The following PTPRD variants were observed in gnomAD, a reference collection of about 807,000 sequenced individuals.
PTPRD encodes the protein protein tyrosine phosphatase receptor type D.
A neutral mutation model predicts 214.5 loss-of-function variants in PTPRD; 34 were observed. That is an observed-to-expected ratio of 0.16 (90% CI 0.12 to 0.21). PTPRD has a LOEUF of 0.21. Among genes scored for constraint, PTPRD ranks in the 10% least tolerant of loss-of-function variants. The probability of loss-of-function intolerance (pLI) is 1.00; values close to 1 mark genes in which losing one functional copy is unlikely to be tolerated. For missense variants in PTPRD, 2,545 were observed against 2,398.7 expected (o/e 1.06, Z -1.27); for synonymous variants, 1,128 against 845.7 (o/e 1.33, Z -5.79).
chr9:8,814,555 C>G (rs1412514291), intron 11 of PTPRD, among the ~76,000 whole-genome samples: 1 of 152,082 alleles, frequency 6.6e-6, no homozygotes, highest in Non-Finnish European at 1.5e-5. Context: ...GGCGGAAACC[C>G]TAGGTGACAC....
intron 12 of PTPRD, among the ~76,000 whole-genome samples, chr9:8,699,024 T>G (rs982703817): frequency 1.3e-5 from 2 of 152,198 alleles, no homozygotes; most frequent in Non-Finnish European, 2.9e-5. Context: ...TGAATTCTTT[T>G]CTTCTTTAAG....
At chr9:8,400,359 G>T (rs1412256233) in intron 36 of PTPRD, among the ~76,000 whole-genome samples, 1 of 152,092 alleles carries the variant, frequency 6.6e-6, no homozygotes, top group Non-Finnish European at 1.5e-5. Flanking sequence ...ATTATCATTA[G>T]GTTTACATGT....
intron 4 of PTPRD, among the ~76,000 whole-genome samples, chr9:10,015,996 C>A (rs769524856): frequency 6.6e-6 from 1 of 152,086 alleles, no homozygotes; most frequent in Admixed American, 6.6e-5. Context: ...ATACTTGAAT[C>A]GACTTCTCCT....
intron 2 of PTPRD, among the ~76,000 whole-genome samples, chr9:10,479,645 A>AT (rs2099084408): frequency 8.0e-6 from 1 of 125,288 alleles, no homozygotes; most frequent in Non-Finnish European, 1.8e-5. Context: ...AAATAAATAA[A>AT]TAAATAAATA....
chr9:10,259,115 C>T (rs975067181), intron 3 of PTPRD, among the ~76,000 whole-genome samples: 3 of 152,028 alleles, frequency 2.0e-5, no homozygotes, highest in Admixed American at 6.6e-5. Flanking sequence ...CTCCACCTCC[C>T]GGGTTCACAC....
chr9:8,462,832 G>C (rs1215516689), intron 32 of PTPRD, among the ~76,000 whole-genome samples: 2 of 151,738 alleles, frequency 1.3e-5, no homozygotes, highest in African/African-American at 2.4e-5. Flanking sequence ...ACTGTATTTT[G>C]GCTTTTTATT....
intron 8 of PTPRD, among the ~76,000 whole-genome samples, chr9:9,446,884 C>A (rs544616282): frequency 1.3e-5 from 2 of 152,090 alleles, no homozygotes; most frequent in African/African-American, 4.8e-5. Context: ...CAAAAGAAGA[C>A]ATACATGTGG....
At chr9:8,573,866 T>A (rs1355331712) in intron 14 of PTPRD, among the ~76,000 whole-genome samples, 1 of 151,966 alleles carries the variant, frequency 6.6e-6, no homozygotes, top group Non-Finnish European at 1.5e-5. Flanking sequence ...TTTGTTTATA[T>A]TTCAATTAGA....
chr9:10,256,850 C>T (rs893165784), intron 3 of PTPRD, among the ~76,000 whole-genome samples: 1 of 152,146 alleles, frequency 6.6e-6, no homozygotes, highest in African/African-American at 2.4e-5. Context: ...TAGCCCTATC[C>T]CACCCACTTC....
intron 8 of PTPRD, among the ~76,000 whole-genome samples, chr9:9,530,160 A>G (rs2154263250): frequency 6.6e-6 from 1 of 152,310 alleles, no homozygotes; most frequent in Middle Eastern, 3.4e-3. Flanking sequence ...AGATCATAGC[A>G]GAGCTAAATG....
chr9:8,978,305 G>T (rs1320554770), intron 11 of PTPRD, among the ~76,000 whole-genome samples: 6 of 152,094 alleles, frequency 3.9e-5, no homozygotes, highest in Non-Finnish European at 7.4e-5. Context: ...CTGGCATTAT[G>T]GTTGTTACTG....
intron 11 of PTPRD, among the ~76,000 whole-genome samples, chr9:8,895,245 C>CT (rs1305402521): frequency 1.3e-5 from 2 of 152,160 alleles, no homozygotes; most frequent in African/African-American, 4.8e-5. Flanking sequence ...CCCAAAGCCT[C>CT]TATGAGACTA....
intron 10 of PTPRD, among the ~76,000 whole-genome samples, chr9:9,110,283 C>G (rs2099804225): frequency 6.6e-6 from 1 of 152,022 alleles, no homozygotes; most frequent in Non-Finnish European, 1.5e-5. Context: ...CAGTTTTTCT[C>G]AAAGAATAGT....
chr9:10,540,036 T>G (rs556111980), intron 2 of PTPRD, among the ~76,000 whole-genome samples: 1 of 152,282 alleles, frequency 6.6e-6, no homozygotes, highest in South Asian at 2.1e-4. Flanking sequence ...GTTTGTTTAT[T>G]TATTTATTTT....
chr9:9,153,641 T>C (rs977631537), intron 10 of PTPRD, among the ~76,000 whole-genome samples: 4 of 152,178 alleles, frequency 2.6e-5, no homozygotes, highest in Non-Finnish European at 5.9e-5. Context: ...TTTGTTAACT[T>C]TAGCTAAAGT....
intron 3 of PTPRD, among the ~76,000 whole-genome samples, chr9:10,057,028 A>C (rs1259901192): frequency 6.6e-6 from 1 of 152,184 alleles, no homozygotes; most frequent in African/African-American, 2.4e-5. Flanking sequence ...TACAAGGCAA[A>C]GTAGAAATTA....
At chr9:9,918,649 A>C (rs1035983974) in intron 5 of PTPRD, among the ~76,000 whole-genome samples, 8 of 152,076 alleles carry the variant, frequency 5.3e-5, no homozygotes, top group African/African-American at 1.7e-4. Context: ...CAGACTTCAA[A>C]ATACACTACA....
At chr9:9,486,172 AAAAAAAAAAAAAAG>A in intron 8 of PTPRD, among the ~76,000 whole-genome samples, 1 of 146,338 alleles carries the variant, frequency 6.8e-6, no homozygotes, top group Non-Finnish European at 1.5e-5. Flanking sequence ...AAAAAAAAAA[AAAAAAAAAAAAAAG>A]CCTTCCCTTG....
chr9:9,299,423 C>A (rs1954399663), intron 9 of PTPRD, among the ~76,000 whole-genome samples: 1 of 151,580 alleles, frequency 6.6e-6, no homozygotes, highest in Non-Finnish European at 1.5e-5. Flanking sequence ...CCAGGTCAGC[C>A]TGCATAACAA....
Sources: gnomAD v4.1 joint callset for allele counts (sites outside exome capture counted in the v4.1 genomes callset) on GRCh38, gnomAD v4.1.1 for gene constraint, MANE v1.5 for transcripts, NCBI Gene and HGNC (gene_info 2026-07-23, HGNC 2026-07-21) for gene names.